NUP98: variants seen among roughly 807,000 people sequenced by gnomAD.
NUP98 encodes the protein nuclear pore complex protein Nup98-Nup96.
NUP98 carries 26 observed loss-of-function variants against 191.9 expected under a neutral mutation model. That is an observed-to-expected ratio of 0.14 (90% CI 0.10 to 0.19). The LOEUF is 0.19. NUP98 is among the 10% of genes least tolerant of loss of function. NUP98 has a pLI of 1.00. For missense variants in NUP98, 1,941 were observed against 2,178.8 expected, an observed-to-expected ratio of 0.89 and a Z score of 2.17; for synonymous variants, 808 against 778.4, an observed-to-expected ratio of 1.04 and a Z score of -0.63.
chr11:3,678,136 T>TAAAAAAA (rs76077592), intron 31 of NUP98, among the ~76,000 whole-genome samples: 1 of 103,402 alleles, frequency 9.7e-6, no homozygotes, highest in African/African-American at 3.3e-5. Context: ...AAACTCTGCC[T>TAAAAAAA]AAAAAAAAAA....
intron 12 of NUP98, among the ~76,000 whole-genome samples, chr11:3,740,822 A>G (rs532522462): frequency 2.7e-5 from 4 of 148,376 alleles, no homozygotes; most frequent in Middle Eastern, 3.5e-3. Context: ...ATATATATAT[A>G]TATTTTTTTT....
intron 11 of NUP98, among the ~76,000 whole-genome samples, chr11:3,745,901 C>T (rs976282685): frequency 6.6e-6 from 1 of 152,100 alleles, no homozygotes; most frequent in African/African-American, 2.4e-5. Context: ...AAAGTTTATA[C>T]CAAGACAACC....
rs763373855 is a variant in NUP98, at chr11:3,780,559, A to G, written c.77-1302T>C. ...TCCATCTCAAAAAAAAAAAAAAAAA[A>G]AAAGAAAAAGAAAAAGAAAAAGAAA... On this transcript the variant is annotated intron_variant, in intron 2 of 32. Coordinates refer to ENST00000324932, the MANE Select transcript of NUP98 (RefSeq NM_016320.5). 6.0e-4 allele frequency among the ~76,000 whole-genome samples: 84 copies of G among 140,172 alleles called. 1 individual carries two copies. The highest frequency in any genetic ancestry group is 1.8e-4 in the Non-Finnish European group (12 of 65,682). The allele number at this position is 140,172 out of a possible 152,430, so 92.0% of individuals were successfully genotyped here. A position where few individuals can be genotyped will look rare whatever the true frequency, so the allele number is the denominator to read the frequency against.
chr11:3,783,981 CCT>C (rs2082058722), intron 1 of NUP98, among the ~76,000 whole-genome samples: 1 of 152,152 alleles, frequency 6.6e-6, no homozygotes, highest in Non-Finnish European at 1.5e-5. Context: ...ATGCCTGCTA[CCT>C]CTTTTCTGCT....
chr11:3,771,010 T>C (rs2081513498), intron 7 of NUP98, among the ~76,000 whole-genome samples: 1 of 152,066 alleles, frequency 6.6e-6, no homozygotes, highest in Non-Finnish European at 1.5e-5. Flanking sequence ...TTACAGGTGC[T>C]TGTCACCACG....
intron 28 of NUP98, among the ~76,000 whole-genome samples, chr11:3,688,523 A>C (rs2078198697): frequency 6.6e-6 from 1 of 151,108 alleles, no homozygotes; most frequent in Non-Finnish European, 1.5e-5. Context: ...GGCCAGGCAC[A>C]GTGGCTCACA....
intron 31 of NUP98, 130 bp from the exon 32 acceptor site, chr11:3,676,750 G>A: frequency 1.3e-6 from 1 of 797,934 alleles, no homozygotes; most frequent in Non-Finnish European, 2.2e-6. Flanking sequence ...TGATGACACA[G>A]GGCCAAGCCA....
chr11:3,754,898 C>T (rs963434238), intron 10 of NUP98, among the ~76,000 whole-genome samples: 1 of 139,630 alleles, frequency 7.2e-6, no homozygotes, highest in Non-Finnish European at 1.5e-5. Flanking sequence ...GTCGAGATCG[C>T]ACCACTGCAC....
intron 5 of NUP98, among the ~76,000 whole-genome samples, chr11:3,775,228 C>T (rs1334830963): frequency 6.6e-6 from 1 of 152,054 alleles, no homozygotes; most frequent in Non-Finnish European, 1.5e-5. Context: ...TTCTTTATTC[C>T]CATAAAGATT....
chr11:3,715,769 AACC>A (rs1012899474), intron 18 of NUP98, among the ~76,000 whole-genome samples: 1 of 139,546 alleles, frequency 7.2e-6, no homozygotes, highest in African/African-American at 2.9e-5. Flanking sequence ...AGGTGTGTGC[AACC>A]ATGCTTGACT....
At chr11:3,709,008 T>C (rs1055704218) in intron 20 of NUP98, among the ~76,000 whole-genome samples, 6 of 152,208 alleles carry the variant, frequency 3.9e-5, no homozygotes, top group Middle Eastern at 3.2e-3. Context: ...TTCAATGACT[T>C]GAGATCTCTC....
intron 14 of NUP98, among the ~76,000 whole-genome samples, chr11:3,727,980 C>T (rs1220662567): frequency 6.6e-6 from 1 of 152,130 alleles, no homozygotes; most frequent in Non-Finnish European, 1.5e-5. Flanking sequence ...ATGACAGCGC[C>T]ACCGCACTCC....
chr11:3,776,836 A>G (rs2081749696), intron 4 of NUP98, among the ~76,000 whole-genome samples: 2 of 152,140 alleles, frequency 1.3e-5, no homozygotes, highest in African/African-American at 4.8e-5. Context: ...CAGGCTCACA[A>G]CTTTCAAGTG....
At chr11:3,719,335 A>G in intron 18 of NUP98, 77 bp downstream of exon 18, 1 of 1,190,278 alleles carries the variant, frequency 8.4e-7, no homozygotes, top group Non-Finnish European at 1.2e-6. Context: ...AGAAGCATAC[A>G]TCTAAACACA....
chr11:3,716,861 T>TC (rs1025942827), intron 18 of NUP98, among the ~76,000 whole-genome samples: 4 of 152,136 alleles, frequency 2.6e-5, no homozygotes, highest in African/African-American at 9.7e-5. Flanking sequence ...TCCAAATTGT[T>TC]CTTTTTTGAG....
intron 1 of NUP98, among the ~76,000 whole-genome samples, chr11:3,782,586 T>TTC (rs1254890764): frequency 6.6e-6 from 1 of 150,816 alleles, no homozygotes. Context: ...TTTTTTTTTT[T>TTC]TTTTTTGAGA....
chr11:3,764,007 A>G (rs1054733299), intron 8 of NUP98, among the ~76,000 whole-genome samples: 2 of 152,240 alleles, frequency 1.3e-5, no homozygotes, highest in Non-Finnish European at 2.9e-5. Flanking sequence ...GACACAATTC[A>G]AACATCATAA....
At chr11:3,789,813 C>T (rs2082274648) in intron 1 of NUP98, among the ~76,000 whole-genome samples, 1 of 152,046 alleles carries the variant, frequency 6.6e-6, no homozygotes, top group African/African-American at 2.4e-5. Flanking sequence ...GACAGTCTTG[C>T]TCTGTTGCCA....
intron 30 of NUP98, among the ~76,000 whole-genome samples, chr11:3,681,887 T>C (rs2077995414): frequency 6.6e-6 from 1 of 152,240 alleles, no homozygotes; most frequent in South Asian, 2.1e-4. Context: ...ATGAAAGTCC[T>C]TGGTGGCATC....
Sources: gnomAD v4.1 joint callset for allele counts (sites outside exome capture counted in the v4.1 genomes callset) on GRCh38, gnomAD v4.1.1 for gene constraint, MANE v1.5 for transcripts, NCBI Gene and HGNC (gene_info 2026-07-23, HGNC 2026-07-21) for gene names.